ACBD6: variants seen among roughly 807,000 people sequenced by gnomAD.
The protein encoded by ACBD6 is acyl-CoA binding domain containing 6, also known as acyl-CoA-binding domain-containing protein 6.
A neutral mutation model predicts 37.2 loss-of-function variants in ACBD6; 28 were observed. The observed-to-expected ratio is 0.75, with a 90% CI of 0.56 to 1.03. ACBD6 has a LOEUF of 1.03. Ranked by LOEUF, ACBD6 falls within the 50% of genes least tolerant of loss-of-function variation. The pLI is 0.00. For missense variants in ACBD6, 340 were observed against 337.4 expected (o/e 1.01, Z -0.06); for synonymous variants, 113 against 126.8 (o/e 0.89, Z 0.73).
intron 13 of ACBD6, among the ~76,000 whole-genome samples, chr1:180,272,279 G>A (rs981715234): frequency 1.3e-5 from 2 of 152,098 alleles, no homozygotes; most frequent in Admixed American, 6.5e-5. Context: ...CCTGCTGACT[G>A]GGGCCTCCCT....
chr1:180,376,151 CAAA>C (rs35422453), intron 6 of ACBD6, among the ~76,000 whole-genome samples: 73,540 of 151,780 alleles, frequency 0.48, 20,599 homozygotes, highest in South Asian at 0.66. Flanking sequence ...TCTATCAGGG[CAAA>C]AATTCTAAAA....
chr1:180,347,292 C>T (rs959813272), intron 6 of ACBD6, among the ~76,000 whole-genome samples: 7 of 149,410 alleles, frequency 4.7e-5, no homozygotes, highest in African/African-American at 1.7e-4. Context: ...TATACGGCTA[C>T]ACATTTTAGA....
intron 5 of ACBD6, among the ~76,000 whole-genome samples, chr1:180,397,968 G>T (rs1305718661): frequency 6.6e-6 from 1 of 152,038 alleles, no homozygotes; most frequent in Non-Finnish European, 1.5e-5. Flanking sequence ...CAGGAGAATC[G>T]CTTGAACTCG....
At chr1:180,450,265 T>C (rs1353791361) in intron 3 of ACBD6, among the ~76,000 whole-genome samples, 1 of 152,220 alleles carries the variant, frequency 6.6e-6, no homozygotes, top group Non-Finnish European at 1.5e-5. Flanking sequence ...TTCTATTCTG[T>C]AGTGGTCACA....
chr1:180,454,760 T>C (rs550406215), intron 3 of ACBD6, among the ~76,000 whole-genome samples: 5 of 152,050 alleles, frequency 3.3e-5, no homozygotes, highest in South Asian at 4.2e-4. Flanking sequence ...CCAACAAACA[T>C]ATGAAAAAAA....
intron 6 of ACBD6, among the ~76,000 whole-genome samples, chr1:180,341,191 G>A (rs190208974): frequency 9.9e-5 from 15 of 152,164 alleles, no homozygotes; most frequent in Admixed American, 2.0e-4. Flanking sequence ...AGTTTACAAC[G>A]TAGTTTACAT....
chr1:180,399,635 A>G (rs1380029458), intron 5 of ACBD6, among the ~76,000 whole-genome samples: 1 of 152,232 alleles, frequency 6.6e-6, no homozygotes, highest in Non-Finnish European at 1.5e-5. Context: ...GTTCTAGAGC[A>G]GTTTCCTATG....
At chr1:180,494,144 T>C (rs924187167) in intron 2 of ACBD6, among the ~76,000 whole-genome samples, 4 of 152,176 alleles carry the variant, frequency 2.6e-5, no homozygotes, top group Admixed American at 2.0e-4. Context: ...GTTTTTCACC[T>C]AGCATTTTAA....
chr1:180,380,187 G>C (rs1383527000), intron 6 of ACBD6, among the ~76,000 whole-genome samples: 1 of 152,116 alleles, frequency 6.6e-6, no homozygotes, highest in Non-Finnish European at 1.5e-5. Flanking sequence ...CTTGAGCCCG[G>C]GAAATCATGG....
At chr1:180,473,315 C>T (rs373285987) in intron 3 of ACBD6, among the ~76,000 whole-genome samples, 2 of 150,622 alleles carry the variant, frequency 1.3e-5, no homozygotes, top group Admixed American at 1.3e-4. Context: ...GGCGTAGTGG[C>T]GGGCGCCTGT....
At chr1:180,468,048 T>G (rs928796432) in intron 3 of ACBD6, among the ~76,000 whole-genome samples, 20 of 151,252 alleles carry the variant, frequency 1.3e-4, no homozygotes, top group Non-Finnish European at 2.7e-4. Context: ...GTGGCAGGAG[T>G]GGAGGAAAAG....
chr1:180,499,577 C>T (rs10914012), intron 1 of ACBD6, among the ~76,000 whole-genome samples: 16,564 of 152,068 alleles, frequency 0.11, 1,318 homozygotes, highest in African/African-American at 0.22. Flanking sequence ...TATCAATAAA[C>T]AAAGATATGT....
intron 7 of ACBD6, 29 bp from the exon 8 acceptor site, chr1:180,288,546 C>G (rs1231648418): frequency 1.9e-6 from 3 of 1,599,980 alleles, no homozygotes; most frequent in Admixed American, 3.5e-5. Context: ...AATATGAAAA[C>G]AAGTTTACCA....
In ACBD6 at chr1:180,413,573, C is replaced by T. The variant is rs1647951941; in HGVS notation, c.468-102G>A. 13 of 902,542 alleles carry T rather than the reference C, an allele frequency of 1.4e-5. No homozygotes were observed. The South Asian group carries it at 1.9e-4, about 13-fold the overall frequency. The allele number at this position is 902,542 out of a possible 1,614,324, so 55.9% of individuals were successfully genotyped here. On this transcript the variant is annotated intron_variant, in intron 4 of 7. Transcript: ENST00000367595. Reference sequence around the variant, plus strand: ...CTGCTGACATAGATGTTAATGGACTCTGCTTACAAAAAAATTTTACATGAA... The same window carrying T: ...CTGCTGACATAGATGTTAATGGACTTTGCTTACAAAAAAATTTTACATGAA...
Position 180,318,576 on chromosome 1 carries a change from T to C in ACBD6, c.664-3854A>G, listed in dbSNP as rs534105936. On this transcript the variant is annotated intron_variant, in intron 6 of 7. Transcript: ENST00000367595. ...TTGTTTCTGTCAAGCATCCCAGATA[T>C]ATTATCAGCTTAAGATCACTTAGTT... is the stretch of plus-strand genomic sequence containing the variant. 2.0e-5 allele frequency among the ~76,000 whole-genome samples: 3 copies of C among 152,322 alleles called. No homozygotes were observed. In the South Asian group the frequency reaches 6.2e-4, roughly 32 times the overall value.
At chr1:180,431,585 T>C (rs976169694) in intron 3 of ACBD6, among the ~76,000 whole-genome samples, 1 of 152,212 alleles carries the variant, frequency 6.6e-6, no homozygotes, top group African/African-American at 2.4e-5. Context: ...TTTTGACTTA[T>C]AATAGATTTA....
Position 180,274,467 on chromosome 1 carries a change from C to T in ACBD6, c.*936+184G>A, listed in dbSNP as rs140154605. 73 of 1,614,078 alleles carry T rather than the reference C, an allele frequency of 4.5e-5. No homozygotes were observed. In the African/African-American group the frequency reaches 7.7e-4, roughly 17 times the overall value. ...CAGGGAGTAAGCCAGACGCTGAGAG[C>T]CATGGCTGGGGGACCCACCTCTGAC... On this transcript the variant is annotated intron_variant, in intron 10 of 13. Coordinates refer to the ACBD6 transcript ENST00000642319.
chr1:180,427,810 C>T (rs1648647880), intron 4 of ACBD6, among the ~76,000 whole-genome samples: 1 of 151,650 alleles, frequency 6.6e-6, no homozygotes, highest in Non-Finnish European at 1.5e-5. Flanking sequence ...GTTCCAGCTA[C>T]TCAGGAGGCT....
At chr1:180,352,557 T>C (rs762606080) in intron 6 of ACBD6, among the ~76,000 whole-genome samples, 2 of 152,184 alleles carry the variant, frequency 1.3e-5, no homozygotes, top group Non-Finnish European at 2.9e-5. Flanking sequence ...TTATTCTGCT[T>C]CCTACTGAGA....
Sources: allele counts gnomAD v4.1 joint callset (sites outside exome capture counted in the v4.1 genomes callset), GRCh38; gene constraint gnomAD v4.1.1; transcripts MANE v1.5; gene names NCBI Gene and HGNC (gene_info 2026-07-23, HGNC 2026-07-21).